ERBB4: variants seen among roughly 807,000 people sequenced by gnomAD.
ERBB4 encodes the protein receptor tyrosine-protein kinase erbB-4.
In ERBB4, 42 loss-of-function variants were observed where a neutral mutation model predicts 158.0. The ratio of observed to expected loss-of-function variants is 0.27; its 90% CI spans 0.21 to 0.34. ERBB4 has a LOEUF of 0.34. Among genes scored for constraint, ERBB4 ranks in the 10% least tolerant of loss-of-function variants. ERBB4 has a pLI of 1.00. For synonymous variants in ERBB4, 583 were observed against 558.7 expected, an observed-to-expected ratio of 1.04 and a Z score of -0.61; for missense variants, 1,333 against 1,624.1, an observed-to-expected ratio of 0.82 and a Z score of 3.08.
At chr2:211,537,099 C>T (rs144148947) in intron 20 of ERBB4, among the ~76,000 whole-genome samples, 4 of 151,566 alleles carry the variant, frequency 2.6e-5, no homozygotes, top group Admixed American at 2.6e-4. Flanking sequence ...TTAAAATTAC[C>T]CTGAAAATTA....
At chr2:212,432,764 T>C (rs2092056566) in intron 1 of ERBB4, among the ~76,000 whole-genome samples, 1 of 152,130 alleles carries the variant, frequency 6.6e-6, no homozygotes, top group Non-Finnish European at 1.5e-5. Context: ...AGGTGAAAAC[T>C]CTTTTAAAGA....
At chr2:211,743,743 A>C (rs2074870744) in intron 5 of ERBB4, among the ~76,000 whole-genome samples, 1 of 152,164 alleles carries the variant, frequency 6.6e-6, no homozygotes. Flanking sequence ...CGACTACATT[A>C]ATCCACTAAA....
chr2:212,105,984 A>G (rs1323178493), intron 2 of ERBB4, among the ~76,000 whole-genome samples: 1 of 152,192 alleles, frequency 6.6e-6, no homozygotes, highest in African/African-American at 2.4e-5. Context: ...CCCCAGCCAC[A>G]TGGAACTGTG....
chr2:211,838,591 C>T (rs2077394567), intron 3 of ERBB4, among the ~76,000 whole-genome samples: 1 of 152,030 alleles, frequency 6.6e-6, no homozygotes, highest in Non-Finnish European at 1.5e-5. Flanking sequence ...AATTCATATC[C>T]TTATTGCAGT....
chr2:212,209,640 A>G (rs1372149516), intron 1 of ERBB4, among the ~76,000 whole-genome samples: 1 of 152,084 alleles, frequency 6.6e-6, no homozygotes, highest in Admixed American at 6.6e-5. Flanking sequence ...TGAAGCCCAA[A>G]CCCTTAGAGT....
At chr2:212,444,215 T>A (rs2092307250) in intron 1 of ERBB4, among the ~76,000 whole-genome samples, 1 of 152,166 alleles carries the variant, frequency 6.6e-6, no homozygotes, top group African/African-American at 2.4e-5. Flanking sequence ...CTGCACAATA[T>A]GCAAGCACTA....
Position 212,538,619 on chromosome 2 carries a change from GGC to G in ERBB4, c.-91_-90del, listed in dbSNP as rs1489708071. 2 of 1,373,974 alleles carry G rather than the reference GGC, an allele frequency of 1.5e-6. No homozygotes were observed. Among genetic ancestry groups the G allele is most frequent in the Non-Finnish European group, 2.1e-6 (2 of 966,428 alleles). The allele number at this position is 1,373,974 out of a possible 1,614,324, so 85.1% of individuals were successfully genotyped here. A position where few individuals can be genotyped will look rare whatever the true frequency, so the allele number is the denominator to read the frequency against. On this transcript the variant is annotated 5_prime_UTR_variant, in exon 1 of 28. Transcript: ENST00000342788. ...GCACGCGGAGGAGATCCCCCAGCCG[GGC>G]GCGCGTGGGGGTGCGAGGGGGGCGG... is the stretch of plus-strand genomic sequence containing the variant.
intron 1 of ERBB4, among the ~76,000 whole-genome samples, chr2:212,482,260 T>C (rs1007178700): frequency 2.0e-5 from 3 of 152,174 alleles, no homozygotes; most frequent in South Asian, 2.1e-4. Flanking sequence ...ATGCCGCTGA[T>C]TGAATGTGTT....
rs1290465024 is a variant in ERBB4, at chr2:212,156,268, A to C, written c.83-31365T>G. 3.9e-5 allele frequency among the ~76,000 whole-genome samples: 6 copies of C among 152,174 alleles called. No individual in the cohort carries two copies. The South Asian group carries it at 1.0e-3, about 26-fold the overall frequency. On this transcript the variant is annotated intron_variant, in intron 1 of 27. Coordinates refer to ENST00000342788, the MANE Select transcript of ERBB4 (RefSeq NM_005235.3). ...CAATGTGTTTAAAAGTGGGGGAAAA[A>C]AAGGAAAGGAAAGCAGGAACAGAAA...
At chr2:211,388,777 A>G (rs1390681064) in intron 25 of ERBB4, among the ~76,000 whole-genome samples, 1 of 152,174 alleles carries the variant, frequency 6.6e-6, no homozygotes, top group Non-Finnish European at 1.5e-5. Flanking sequence ...AAAATCTAAT[A>G]AAAGATGAAG....
At chr2:212,011,733 C>G (rs2076392448) in intron 2 of ERBB4, among the ~76,000 whole-genome samples, 1 of 149,400 alleles carries the variant, frequency 6.7e-6, no homozygotes, top group Non-Finnish European at 1.5e-5. Flanking sequence ...CTGGGCAAGA[C>G]AGCGACACTC....
At chr2:212,195,158 T>C (rs914331387) in intron 1 of ERBB4, among the ~76,000 whole-genome samples, 1 of 152,024 alleles carries the variant, frequency 6.6e-6, no homozygotes, top group Non-Finnish European at 1.5e-5. Context: ...TATTTCATTG[T>C]AGATAGTAAC....
intron 2 of ERBB4, among the ~76,000 whole-genome samples, chr2:212,101,655 T>C (rs543589500): frequency 2.0e-4 from 30 of 151,868 alleles, no homozygotes; most frequent in Non-Finnish European, 2.8e-4. Context: ...ATATAACAAG[T>C]AAAGGTCAGT....
intron 1 of ERBB4, among the ~76,000 whole-genome samples, chr2:212,502,358 G>A (rs1217795870): frequency 6.6e-6 from 1 of 152,014 alleles, no homozygotes; most frequent in African/African-American, 2.4e-5. Flanking sequence ...GTATTGTGCT[G>A]GGCAATTTAT....
intron 1 of ERBB4, among the ~76,000 whole-genome samples, chr2:212,176,977 C>G (rs1433239555): frequency 6.6e-6 from 1 of 151,480 alleles, no homozygotes; most frequent in Admixed American, 6.6e-5. Context: ...TCTTTATATA[C>G]AAATGAAATT....
chr2:212,358,661 A>G (rs2089560037), intron 1 of ERBB4, among the ~76,000 whole-genome samples: 1 of 151,780 alleles, frequency 6.6e-6, no homozygotes, highest in Non-Finnish European at 1.5e-5. Context: ...CAATGATTTA[A>G]GTAACATGAA....
chr2:211,816,070 C>T (rs1268067293), intron 3 of ERBB4, among the ~76,000 whole-genome samples: 1 of 152,110 alleles, frequency 6.6e-6, no homozygotes, highest in Non-Finnish European at 1.5e-5. Context: ...CTCTCTTTCC[C>T]CAGCTTGCAG....
At chr2:212,357,901 C>T (rs1035373397) in intron 1 of ERBB4, among the ~76,000 whole-genome samples, 13 of 151,778 alleles carry the variant, frequency 8.6e-5, no homozygotes, top group South Asian at 2.1e-4. Flanking sequence ...TTCATGGTGT[C>T]GGATTCATTT....
At chr2:211,600,428 G>A (rs1421774356) in intron 19 of ERBB4, among the ~76,000 whole-genome samples, 1 of 152,030 alleles carries the variant, frequency 6.6e-6, no homozygotes. Flanking sequence ...AAAAAGCCAA[G>A]TGCCTACAAA....
Sources: gnomAD v4.1 joint callset for allele counts (sites outside exome capture counted in the v4.1 genomes callset) on GRCh38, gnomAD v4.1.1 for gene constraint, MANE v1.5 for transcripts, NCBI Gene and HGNC (gene_info 2026-07-23, HGNC 2026-07-21) for gene names.